Variants in CD48 observed in about 807,000 individuals in gnomAD.
CD48 encodes the protein CD48 molecule, also known as CD48 antigen.
Under a neutral mutation model 22.0 loss-of-function variants are expected in CD48, and 20 were observed. The observed-to-expected ratio is 0.91, with a 90% CI of 0.64 to 1.32. CD48 has a LOEUF of 1.32. Among genes scored for constraint, CD48 ranks in the 40% most tolerant of loss-of-function variants. The pLI is 0.00. For synonymous variants in CD48, 110 were observed against 110.1 expected, an observed-to-expected ratio of 1.00 and a Z score of 0.01; for missense variants, 307 against 286.5, an observed-to-expected ratio of 1.07 and a Z score of -0.52.
chr1:160,680,832 A>T lies in CD48; in HGVS notation c.652+370T>A. 7.8e-6 allele frequency: 10 copies of T among 1,281,082 alleles called. No homozygotes were observed. In the South Asian group the frequency reaches 1.7e-4, roughly 21 times the overall value. 79.4% of individuals were successfully genotyped at this position (1,281,082 alleles called of 1,614,324 possible). A position where few individuals can be genotyped will look rare whatever the true frequency, so the allele number is the denominator to read the frequency against. On this transcript the variant is annotated intron_variant, in intron 3 of 3. Coordinates refer to ENST00000368046, the MANE Select transcript of CD48 (RefSeq NM_001778.4). ...TTCGGCTGTCTAATGAAGCCCCTCT[A>T]GACAGCTGCTCGCCCACTTGCCCTT...
Position 160,681,382 on chromosome 1 carries a change from C to T in CD48, c.472G>A (p.Gly158Ser). The T allele has an allele frequency of 6.2e-7, 1 of 1,614,160 alleles. No individual in the cohort carries two copies. Among genetic ancestry groups the T allele is most frequent in the Non-Finnish European group, 8.5e-7 (1 of 1,180,020 alleles). The part of the protein sequence containing the change: ...CYLKLSCVIP[G>S]ESVNYTWYGD... ...TACCAGGTGTAGTTTACAGACTCGC[C>T]AGGTATCACACATGACAGTTTCAGA... The change falls in exon 3 of 4, where the codon GGC (glycine) becomes AGC (serine). Residue 158 changes from glycine (G) to serine (S), a missense_variant. Physicochemically the swap from Gly to Ser is moderately conservative, Grantham distance 56. Transcript: ENST00000368046.
chr1:160,681,358 A>G lies in CD48; in HGVS notation c.496T>C (p.Tyr166His), dbSNP rs747253120. ...IPGESVNYTW[Y>H]GDKRPFPKEL... The stretch of plus-strand genomic sequence containing the variant: ...TTTGGGAAGGGCCTTTTGTCCCCAT[A>G]CCAGGTGTAGTTTACAGACTCGCCA... The change falls in exon 3 of 4, where the codon TAT becomes CAT. Residue 166 changes from tyrosine to histidine, a missense_variant. Physicochemically the swap from Tyr to His is moderately conservative, Grantham distance 83. Transcript: ENST00000368046. The G allele has an allele frequency of 1.2e-6, 2 of 1,614,158 alleles. No individual in the cohort carries two copies. Among genetic ancestry groups the G allele is most frequent in the Admixed American group, 3.3e-5 (2 of 60,016 alleles).
intron 3 of CD48, 165 bp downstream of exon 3, chr1:160,681,037 G>A (rs1245744660): frequency 1.3e-6 from 2 of 1,483,266 alleles, no homozygotes; most frequent in Non-Finnish European, 9.0e-7. Flanking sequence ...GCTGGGAGGT[G>A]GTGGTAGAGC....
Position 160,678,895 on chromosome 1 carries a change from A to G in CD48, c.*157T>C. On this transcript the variant is annotated 3_prime_UTR_variant, in exon 4 of 4. Transcript: ENST00000368046. ...CAACAAAGGGATATAAAATTAAATA[A>G]TAACCAGTATTTAAAAGTTAACTTG... is the stretch of plus-strand genomic sequence containing the variant. 1 of 600,570 alleles carries G rather than the reference A, an allele frequency of 1.7e-6. No individual in the cohort carries two copies. The highest frequency in any genetic ancestry group is 3.0e-6 in the Non-Finnish European group (1 of 333,910). The allele number at this position is 600,570 out of a possible 1,614,324, so 37.2% of individuals were successfully genotyped here. A position where few individuals can be genotyped will look rare whatever the true frequency, so the allele number is the denominator to read the frequency against.
intron 1 of CD48, among the ~76,000 whole-genome samples, chr1:160,698,290 C>T (rs182543067): frequency 6.5e-4 from 99 of 152,302 alleles, no homozygotes; most frequent in Middle Eastern, 6.8e-3. Context: ...CAAGAGAAGG[C>T]ATGTGGATCC....
chr1:160,705,578 G>C (rs1258406082), intron 1 of CD48, among the ~76,000 whole-genome samples: 1 of 152,178 alleles, frequency 6.6e-6, no homozygotes. Context: ...AGACTCTGCT[G>C]TCAGCAAGGC....
At position 160,685,047 on chromosome 1, in the gene CD48, C is replaced by A; in HGVS notation, c.225G>T (p.Lys75Asn). ...TGCCTTTAAATTTGGATTCAAAGTACTTAGATTTTCTGGAATCCCATTCTA... is the reference window on the plus strand; with the variant it reads ...TGCCTTTAAATTTGGATTCAAAGTAATTAGATTTTCTGGAATCCCATTCTA... ...KIVEWDSRKSKYFESKFKGRV... is the reference protein window; with the variant it reads ...KIVEWDSRKSNYFESKFKGRV... Residue 75 changes from lysine (K) to asparagine (N), a missense_variant, in exon 2 of 4, where the codon AAG (lysine) becomes AAT (asparagine). Coordinates refer to ENST00000368046, the MANE Select transcript of CD48 (RefSeq NM_001778.4). 1 of 1,614,170 alleles carries A rather than the reference C, an allele frequency of 6.2e-7. No individual in the cohort carries two copies. Among genetic ancestry groups the A allele is most frequent in the South Asian group, 1.1e-5 (1 of 91,078 alleles).
chr1:160,710,077 G>C (rs1662904875), intron 1 of CD48, among the ~76,000 whole-genome samples: 1 of 152,178 alleles, frequency 6.6e-6, no homozygotes, highest in Admixed American at 6.5e-5. Context: ...CATAAGCCCA[G>C]AGGTAAGAGA....
At chr1:160,692,873 C>G (rs1159909546) in intron 1 of CD48, among the ~76,000 whole-genome samples, 1 of 152,106 alleles carries the variant, frequency 6.6e-6, no homozygotes, top group Non-Finnish European at 1.5e-5. Context: ...ACCCAACTCC[C>G]CTTATATGAG....
At chr1:160,710,315 G>A (rs1325457315) in intron 1 of CD48, among the ~76,000 whole-genome samples, 1 of 152,130 alleles carries the variant, frequency 6.6e-6, no homozygotes, top group Non-Finnish European at 1.5e-5. Flanking sequence ...AAAGTTAAAT[G>A]AAAAAGTATG....
In CD48 at chr1:160,684,895, T is replaced by C. The variant is rs377101847; in HGVS notation, c.377A>G (p.Gln126Arg). Reference sequence around the variant, plus strand: ...TGGCTCCCCTGACTCACCAAGCACTTGCAGCTTGATCTTCCATTCTTGCTC... The same window carrying C: ...TGGCTCCCCTGACTCACCAAGCACTCGCAGCTTGATCTTCCATTCTTGCTC... ...GNEQEWKIKL[Q>R]VLDPVPKPVI... The change falls in exon 2 of 4, where the codon CAA becomes CGA. Residue 126 changes from glutamine to arginine, a missense_variant. Coordinates refer to ENST00000368046, the MANE Select transcript of CD48 (RefSeq NM_001778.4). 1 of 1,614,060 alleles carries C rather than the reference T, an allele frequency of 6.2e-7. No individual in the cohort carries two copies. Among genetic ancestry groups the C allele is most frequent in the Non-Finnish European group, 8.5e-7 (1 of 1,180,046 alleles).
chr1:160,700,595 G>A (rs1662596598), intron 1 of CD48, among the ~76,000 whole-genome samples: 1 of 152,118 alleles, frequency 6.6e-6, no homozygotes, highest in South Asian at 2.1e-4. Context: ...TGGGCAGTCT[G>A]GATTCTTTCT....
intron 1 of CD48, among the ~76,000 whole-genome samples, chr1:160,690,860 G>T (rs1662186442): frequency 6.6e-6 from 1 of 152,136 alleles, no homozygotes; most frequent in Admixed American, 6.5e-5. Context: ...ACTCCATTTT[G>T]TTCTGTACTA....
chr1:160,703,271 G>A (rs575860120), intron 1 of CD48, among the ~76,000 whole-genome samples: 13 of 152,298 alleles, frequency 8.5e-5, no homozygotes, highest in African/African-American at 3.1e-4. Flanking sequence ...CAATCTAAGG[G>A]AAGTAAGTGA....
At chr1:160,702,117 T>C (rs556930426) in intron 1 of CD48, among the ~76,000 whole-genome samples, 2 of 152,236 alleles carry the variant, frequency 1.3e-5, no homozygotes, top group East Asian at 3.9e-4. Context: ...AGAATCAGAA[T>C]TAATGAGACC....
At chr1:160,679,832 G>A in intron 3 of CD48, among the ~76,000 whole-genome samples, 1 of 152,202 alleles carries the variant, frequency 6.6e-6, no homozygotes, top group East Asian at 1.9e-4. Flanking sequence ...GACAGGGAAT[G>A]TGCGTCTTCC....
At position 160,683,282 on chromosome 1, in the gene CD48, C is replaced by T. The variant is rs530085634; in HGVS notation, c.385+1605G>A. 2.2e-4 allele frequency among the ~76,000 whole-genome samples: 33 copies of T among 152,272 alleles called. No individual in the cohort carries two copies. The South Asian group carries it at 3.1e-3, about 14-fold the overall frequency. ...TTGGGTTGTCCAGCTCCAAGATGCTCGCTTTGAGCTGTCAGAAATGCTTGG... is the reference window on the plus strand; with the variant it reads ...TTGGGTTGTCCAGCTCCAAGATGCTTGCTTTGAGCTGTCAGAAATGCTTGG... On this transcript the variant is annotated intron_variant, in intron 2 of 3. Coordinates refer to ENST00000368046, the MANE Select transcript of CD48 (RefSeq NM_001778.4).
At chr1:160,707,058 T>C (rs1046449121) in intron 1 of CD48, among the ~76,000 whole-genome samples, 6 of 152,184 alleles carry the variant, frequency 3.9e-5, no homozygotes, top group African/African-American at 1.4e-4. Flanking sequence ...CTCATAAGAT[T>C]AAATATTTAA....
intron 2 of CD48, chr1:160,683,560 A>C (rs1661885964): frequency 6.6e-6 from 1 of 151,018 alleles, no homozygotes; most frequent in Non-Finnish European, 1.5e-5. Context: ...TGTTAACCAG[A>C]ACACCACTGT....
Sources: gnomAD v4.1 joint callset for allele counts (sites outside exome capture counted in the v4.1 genomes callset) on GRCh38, gnomAD v4.1.1 for gene constraint, MANE v1.5 for transcripts, NCBI Gene and HGNC (gene_info 2026-07-23, HGNC 2026-07-21) for gene names.